The following CMSS1 variants were observed in gnomAD, a reference collection of about 807,000 sequenced individuals.
CMSS1 encodes the protein protein CMSS1.
In CMSS1, 33 loss-of-function variants were observed where a neutral mutation model predicts 43.5. The observed-to-expected ratio is 0.76, with a 90% CI of 0.57 to 1.01. The LOEUF is 1.01. CMSS1 is among the 50% of genes least tolerant of loss of function. CMSS1 has a pLI of 0.00. For synonymous variants in CMSS1, 115 were observed against 117.2 expected (o/e 0.98, Z 0.12); for missense variants, 313 against 326.4 (o/e 0.96, Z 0.32).
At chr3:99,967,170 G>T (rs184552672) in intron 1 of CMSS1, among the ~76,000 whole-genome samples, 42 of 152,286 alleles carry the variant, frequency 2.8e-4, no homozygotes, top group African/African-American at 1.0e-3. Flanking sequence ...ATAAGCAAAG[G>T]ACTCTTGGAA....
intron 1 of CMSS1, chr3:99,849,499 A>G (rs374837208): frequency 5.7e-5 from 92 of 1,612,996 alleles, no homozygotes; most frequent in Non-Finnish European, 7.4e-5. Flanking sequence ...GTATTCATGA[A>G]TTTTCTCTTT....
At chr3:99,861,493 G>T (rs1944252190) in intron 1 of CMSS1, among the ~76,000 whole-genome samples, 1 of 152,144 alleles carries the variant, frequency 6.6e-6, no homozygotes, top group South Asian at 2.1e-4. Flanking sequence ...TTGTCCTCAG[G>T]TTCCTAATGC....
In CMSS1 at chr3:100,033,157, G is replaced by A. The variant is rs185542887; in HGVS notation, c.65-113816G>A. On this transcript the variant is annotated intron_variant, in intron 1 of 9. Transcript: ENST00000421999. Reference sequence around the variant, plus strand: ...AATTTTACTCTGTGGTTACTGTATGGTAATGGAATTATTTTGGCCCCTTAA... The same window carrying A: ...AATTTTACTCTGTGGTTACTGTATGATAATGGAATTATTTTGGCCCCTTAA... Among the ~76,000 whole-genome samples, 174 of 152,236 alleles carry A rather than the reference G, an allele frequency of 1.1e-3. 5 individuals carry two copies. The highest frequency in any genetic ancestry group is 0.011 in the Admixed American group (173 of 15,288).
intron 1 of CMSS1, among the ~76,000 whole-genome samples, chr3:100,110,598 G>A (rs968090972): frequency 4.6e-5 from 7 of 152,142 alleles, no homozygotes; most frequent in African/African-American, 4.8e-5. Context: ...AAATAAAGTC[G>A]TGTATTTGCT....
At chr3:100,036,414 G>A (rs534557528) in intron 1 of CMSS1, among the ~76,000 whole-genome samples, 1 of 152,282 alleles carries the variant, frequency 6.6e-6, no homozygotes, top group East Asian at 1.9e-4. Context: ...GGCTTGAAAG[G>A]ACTGCCACTG....
At chr3:99,904,001 A>G (rs75883782) in intron 1 of CMSS1, among the ~76,000 whole-genome samples, 1,922 of 152,318 alleles carry the variant, frequency 0.013, 24 homozygotes, top group Non-Finnish European at 0.019. Flanking sequence ...TCTGGCCAGG[A>G]AGAGTAACTG....
intron 1 of CMSS1, among the ~76,000 whole-genome samples, chr3:99,903,643 C>T (rs1169902141): frequency 6.6e-6 from 1 of 151,986 alleles, no homozygotes; most frequent in Admixed American, 6.6e-5. Flanking sequence ...TGGATGATTC[C>T]AAAAATTGGC....
At chr3:99,960,044 G>T (rs1321091722) in intron 1 of CMSS1, among the ~76,000 whole-genome samples, 1 of 152,004 alleles carries the variant, frequency 6.6e-6, no homozygotes, top group African/African-American at 2.4e-5. Context: ...TTTATAAATT[G>T]TCTAAAGTGT....
At chr3:99,945,751 C>A (rs1210605769) in intron 1 of CMSS1, among the ~76,000 whole-genome samples, 1 of 152,206 alleles carries the variant, frequency 6.6e-6, no homozygotes, top group East Asian at 1.9e-4. Context: ...TGGGGGCTGG[C>A]AGCCTGTTGA....
intron 1 of CMSS1, among the ~76,000 whole-genome samples, chr3:99,845,383 C>A (rs1016995502): frequency 1.3e-5 from 2 of 152,078 alleles, no homozygotes; most frequent in Admixed American, 1.3e-4. Flanking sequence ...CGTTCTGAAG[C>A]GAGGACTTAG....
intron 1 of CMSS1, chr3:99,924,318 A>G (rs185998456): frequency 1.3e-5 from 21 of 1,613,882 alleles, no homozygotes; most frequent in African/African-American, 4.0e-5. Context: ...TCCAACTCCA[A>G]TATGGTTTGC....
intron 1 of CMSS1, among the ~76,000 whole-genome samples, chr3:99,938,941 A>G (rs2107673925): frequency 6.6e-6 from 1 of 152,360 alleles, no homozygotes. Flanking sequence ...AATTGAAAAC[A>G]AGATAACCTA....
intron 8 of CMSS1, 127 bp from the exon 9 acceptor site, chr3:100,176,200 C>A: frequency 1.6e-6 from 1 of 615,778 alleles, no homozygotes; most frequent in Non-Finnish European, 2.9e-6. Flanking sequence ...ACTTAATGTG[C>A]GGAGATTAGT....
intron 1 of CMSS1, among the ~76,000 whole-genome samples, chr3:100,106,136 A>G (rs1002547840): frequency 2.6e-5 from 4 of 152,280 alleles, no homozygotes; most frequent in African/African-American, 9.6e-5. Context: ...GGATTGATGG[A>G]ACAATCAGAT....
chr3:99,888,359 C>T (rs1035082813), intron 1 of CMSS1, among the ~76,000 whole-genome samples: 2 of 151,578 alleles, frequency 1.3e-5, no homozygotes, highest in African/African-American at 4.9e-5. Context: ...GAGTGAGACT[C>T]CATAGCTTAA....
intron 1 of CMSS1, among the ~76,000 whole-genome samples, chr3:100,123,609 G>A (rs79059410): frequency 0.067 from 10,198 of 152,258 alleles, 454 homozygotes; most frequent in Middle Eastern, 0.11. Context: ...CTCCCAGGCC[G>A]TGCGCTGGGT....
rs573881987 is a variant in CMSS1 at position 100,158,194 on chromosome 3, C to A, written c.154-2236C>A. ...TTGAGGTCCATTTGCCATGTGTAAC[C>A]AGGAGAATCATTCTTAAAGTAATTT... On this transcript the variant is annotated intron_variant, in intron 2 of 9. Transcript: ENST00000421999. Among the ~76,000 whole-genome samples the A allele has an allele frequency of 9.9e-5, 15 of 152,242 alleles. 1 individual carries two copies. The highest frequency in any genetic ancestry group is 8.5e-4 in the Admixed American group (13 of 15,300).
intron 1 of CMSS1, among the ~76,000 whole-genome samples, chr3:100,104,386 T>C (rs547469012): frequency 6.6e-6 from 1 of 152,356 alleles, no homozygotes; most frequent in African/African-American, 2.4e-5. Context: ...AACTCTGAGC[T>C]ACACTTTTTT....
At chr3:100,135,320 A>G (rs1322750300) in intron 1 of CMSS1, among the ~76,000 whole-genome samples, 1 of 152,188 alleles carries the variant, frequency 6.6e-6, no homozygotes, top group Non-Finnish European at 1.5e-5. Flanking sequence ...TCAAACATTT[A>G]AAACAAACTA....
Sources: allele counts gnomAD v4.1 joint callset (sites outside exome capture counted in the v4.1 genomes callset), GRCh38; gene constraint gnomAD v4.1.1; transcripts MANE v1.5; gene names NCBI Gene and HGNC (gene_info 2026-07-23, HGNC 2026-07-21).